The following GOLGB1 variants were observed in gnomAD, a reference collection of about 807,000 sequenced individuals.
The protein encoded by GOLGB1 is golgin subfamily B member 1.
Under a neutral mutation model 336.9 loss-of-function variants are expected in GOLGB1, and 174 were observed. The observed-to-expected ratio is 0.52, with a 90% CI of 0.46 to 0.59. The LOEUF (loss-of-function observed/expected upper bound fraction) is 0.59, where lower values mean the gene tolerates loss of function less well. Ranked by LOEUF, GOLGB1 falls within the 20% of genes least tolerant of loss-of-function variation. The pLI is 0.00. For missense variants in GOLGB1, 3,331 were observed against 3,645.3 expected (o/e 0.91, Z 2.22); for synonymous variants, 1,208 against 1,289.2 (o/e 0.94, Z 1.35).
intron 17 of GOLGB1, among the ~76,000 whole-genome samples, chr3:121,674,728 T>C (rs1940078753): frequency 6.6e-6 from 1 of 152,176 alleles, no homozygotes; most frequent in Non-Finnish European, 1.5e-5. Context: ...TGAAGGAATA[T>C]GTATATCCTC....
At chr3:121,744,155 T>C (rs1947079083) in intron 1 of GOLGB1, among the ~76,000 whole-genome samples, 1 of 152,070 alleles carries the variant, frequency 6.6e-6, no homozygotes, top group African/African-American at 2.4e-5. Context: ...TGGCAACAAT[T>C]GAGAAACATT....
intron 10 of GOLGB1, among the ~76,000 whole-genome samples, chr3:121,708,680 T>A (rs1237838457): frequency 6.6e-6 from 1 of 152,172 alleles, no homozygotes; most frequent in African/African-American, 2.4e-5. Context: ...ACTGTATACT[T>A]TAAATGTGTA....
Position 121,694,989 on chromosome 3 carries a change from T to G in GOLGB1, c.5534A>C (p.Gln1845Pro). The change falls in exon 13 of 22, where the codon CAG (glutamine) becomes CCG (proline). Residue 1845 changes from glutamine to proline, a missense_variant. By Grantham distance (76) the Gln-to-Pro change is moderately conservative (BLOSUM62 -1). Transcript: ENST00000614479. ...SSHDEINNYL[Q>P]QIDQLKERIA... ...TCTTTCTTTGAGCTGATCAATCTGC[T>G]GTAGGTAGTTATTAATTTCATCATG... 1 of 1,614,110 alleles carries G rather than the reference T, an allele frequency of 6.2e-7. No individual in the cohort carries two copies. Among genetic ancestry groups the G allele is most frequent in the Non-Finnish European group, 8.5e-7 (1 of 1,179,950 alleles).
Position 121,719,744 on chromosome 3 carries a change from G to A in GOLGB1, c.673C>T (p.Arg225Ter), listed in dbSNP as rs767829668. The A allele has an allele frequency of 7.5e-6, 12 of 1,605,996 alleles. 1 individual carries two copies. The East Asian group carries it at 1.4e-4, about 18-fold the overall frequency. The change falls in exon 7 of 22, where the codon CGA becomes TGA. Residue 225 changes from arginine to a stop codon, truncating the protein, a stop_gained. Coordinates refer to ENST00000614479, the MANE Select transcript of GOLGB1 (RefSeq NM_001366282.2). LOFTEE classifies it high-confidence loss of function. ...AQLSSMQQVV[R>*]EKDARFETQV... ...GTTTCAAAGCGGGCATCTTTCTCTCGGACCACCTGCTGCATGGAACTCAAC... is the reference window on the plus strand; with the variant it reads ...GTTTCAAAGCGGGCATCTTTCTCTCAGACCACCTGCTGCATGGAACTCAAC...
intron 10 of GOLGB1, among the ~76,000 whole-genome samples, chr3:121,714,427 GTTAA>G (rs1483358162): frequency 1.3e-5 from 2 of 151,656 alleles, no homozygotes; most frequent in Non-Finnish European, 2.9e-5. Context: ...CTTTTTTACT[GTTAA>G]TTAATTAATG....
At position 121,664,372 on chromosome 3, in the gene GOLGB1, A is replaced by G; in HGVS notation, c.*108T>C. On this transcript the variant is annotated 3_prime_UTR_variant, in exon 22 of 22. Coordinates refer to ENST00000614479, the MANE Select transcript of GOLGB1 (RefSeq NM_001366282.2). ...AGGCACTTTCCGTGAAGAGTTGGAG[A>G]GAAGACCTGTAAATGGGAAGACTGT... The G allele has an allele frequency of 1.0e-6, 1 of 996,216 alleles. No homozygotes were observed. The highest frequency in any genetic ancestry group is 1.6e-6 in the Non-Finnish European group (1 of 635,380). The allele number at this position is 996,216 out of a possible 1,614,324, so 61.7% of individuals were successfully genotyped here. A position where few individuals can be genotyped will look rare whatever the true frequency, so the allele number is the denominator to read the frequency against.
rs777773104 is a variant in GOLGB1 at position 121,691,916 on chromosome 3, C to G, written c.7448G>C (p.Gly2483Ala). Residue 2483 changes from glycine (G) to alanine (A), a missense_variant, in exon 14 of 22, where the codon GGT (glycine) becomes GCT (alanine). Transcript: ENST00000614479. ...SLQNDRDRIV[G>A]DYQQLEERHL... ...TCGCTCTTCCAGCTGTTGATAGTCA[C>G]CCACTATGCGGTCTCGATCATTTTG... is the stretch of plus-strand genomic sequence containing the variant. 6.2e-7 allele frequency: 1 copy of G among 1,614,140 alleles called. No individual in the cohort carries two copies. Among genetic ancestry groups the G allele is most frequent in the East Asian group, 2.2e-5 (1 of 44,878 alleles).
chr3:121,739,203 T>C (rs1426667982), intron 1 of GOLGB1, among the ~76,000 whole-genome samples: 1 of 151,830 alleles, frequency 6.6e-6, no homozygotes, highest in Admixed American at 6.6e-5. Context: ...AGGTGGAGGC[T>C]GCAGTGAGCC....
At chr3:121,680,487 C>A (rs188169883) in intron 15 of GOLGB1, among the ~76,000 whole-genome samples, 220 of 152,024 alleles carry the variant, frequency 1.4e-3, no homozygotes, top group African/African-American at 5.1e-3. Context: ...AAAGCTTCAG[C>A]AAAGAAATAG....
In GOLGB1 at chr3:121,706,822, GA is replaced by G. The variant is rs962054065; in HGVS notation, c.1405-4228del. ...GAGTAATACACTTAGAGAAATGAAA[GA>G]AAAAAAAACTTTCAATGTAGAATTC... On this transcript the variant is annotated intron_variant, in intron 10 of 21. Coordinates refer to ENST00000614479, the MANE Select transcript of GOLGB1 (RefSeq NM_001366282.2). 1.0e-4 allele frequency among the ~76,000 whole-genome samples: 13 copies of G among 126,862 alleles called. No individual in the cohort carries two copies. The South Asian group carries it at 3.0e-3, about 30-fold the overall frequency. 83.2% of individuals were successfully genotyped at this position (126,862 alleles called of 152,430 possible). A position where few individuals can be genotyped will look rare whatever the true frequency, so the allele number is the denominator to read the frequency against.
intron 18 of GOLGB1, 65 bp downstream of exon 18, chr3:121,669,147 G>A: frequency 1.3e-6 from 2 of 1,528,958 alleles, no homozygotes; most frequent in Non-Finnish European, 1.8e-6. Flanking sequence ...CTGCTCTGTA[G>A]TGCTTCACCA....
At chr3:121,669,163 A>G in intron 18 of GOLGB1, 49 bp downstream of exon 18, 1 of 1,596,720 alleles carries the variant, frequency 6.3e-7, no homozygotes, top group Non-Finnish European at 8.6e-7. Flanking sequence ...CACCACTTGC[A>G]CTAAATTTCA....
chr3:121,676,623 CA>C (rs913571904), intron 17 of GOLGB1, among the ~76,000 whole-genome samples: 2 of 152,122 alleles, frequency 1.3e-5, no homozygotes, highest in Admixed American at 6.6e-5. Flanking sequence ...TGATACAGGT[CA>C]GGGGGAAGGC....
Position 121,694,303 on chromosome 3 carries a change from G to T in GOLGB1, c.6220C>A (p.His2074Asn). The T allele has an allele frequency of 6.2e-7, 1 of 1,610,326 alleles. No individual in the cohort carries two copies. Among genetic ancestry groups the T allele is most frequent in the South Asian group, 1.1e-5 (1 of 90,804 alleles). ...TKENLAQAVEHRKKAQAELAS... is the reference protein window; with the variant it reads ...TKENLAQAVENRKKAQAELAS... The stretch of plus-strand genomic sequence containing the variant: ...AATTCTGCTTGTGCCTTTTTGCGGT[G>T]TTCAACTGCTTGAGCCAGATTTTCT... The change falls in exon 13 of 22, where the codon CAC becomes AAC. Residue 2074 changes from histidine (H) to asparagine (N), a missense_variant. Transcript: ENST00000614479.
intron 10 of GOLGB1, among the ~76,000 whole-genome samples, chr3:121,708,971 A>G (rs1233379893): frequency 6.6e-6 from 1 of 152,198 alleles, no homozygotes; most frequent in Non-Finnish European, 1.5e-5. Context: ...CAAGACATTT[A>G]CTTTAAAGAA....
chr3:121,697,289 T>C lies in GOLGB1; in HGVS notation c.3234A>G (p.Leu1078=). The change falls in exon 13 of 22, where the codon CTA becomes CTG. Residue 1078 remains leucine (L), a synonymous_variant. Coordinates refer to ENST00000614479, the MANE Select transcript of GOLGB1 (RefSeq NM_001366282.2). The part of the protein sequence containing the change: ...KQTISEKEVE[L]QHIRKDLEEK... ...CTTCCAAATCCTTCCTTATATGCTGTAGTTCCACTTCTTTCTCAGATATTG... is the reference window on the plus strand; with the variant it reads ...CTTCCAAATCCTTCCTTATATGCTGCAGTTCCACTTCTTTCTCAGATATTG... The C allele has an allele frequency of 1.2e-6, 2 of 1,613,804 alleles. No individual in the cohort carries two copies. The highest frequency in any genetic ancestry group is 1.3e-5 in the African/African-American group (1 of 75,044).
chr3:121,702,654 GC>G, intron 10 of GOLGB1, 59 bp from the exon 11 acceptor site: 1 of 683,978 alleles, frequency 1.5e-6, no homozygotes, highest in Non-Finnish European at 2.3e-6. Flanking sequence ...TCACACTAAC[GC>G]CCAGATAGCC....
At chr3:121,743,001 C>T (rs1189943253) in intron 1 of GOLGB1, among the ~76,000 whole-genome samples, 1 of 152,158 alleles carries the variant, frequency 6.6e-6, no homozygotes, top group Admixed American at 6.5e-5. Context: ...AATAGGAATG[C>T]TTTTACACTA....
Position 121,716,877 on chromosome 3 carries a change from G to A in GOLGB1, c.1148C>T (p.Thr383Ile), listed in dbSNP as rs774602852. ...CTTTTGAAGACTCAAAATATGAGAG[G>A]TCTTCTCTTCCATTTCTGCTTTGTG... ...QKHKAEMEEK[T>I]SHILSLQKTG... The change falls in exon 9 of 22, where the codon ACC becomes ATC. Residue 383 changes from threonine (T) to isoleucine (I), a missense_variant. Transcript: ENST00000614479. 6.2e-7 allele frequency: 1 copy of A among 1,613,920 alleles called. No individual in the cohort carries two copies. The highest frequency in any genetic ancestry group is 8.5e-7 in the Non-Finnish European group (1 of 1,179,870).
Sources: gnomAD v4.1 joint callset for allele counts (sites outside exome capture counted in the v4.1 genomes callset) on GRCh38, gnomAD v4.1.1 for gene constraint, MANE v1.5 for transcripts, NCBI Gene and HGNC (gene_info 2026-07-23, HGNC 2026-07-21) for gene names.